Variants in DNAJC28 observed in about 807,000 individuals in gnomAD.
DNAJC28 encodes the protein dnaJ homolog subfamily C member 28.
In DNAJC28, 24 loss-of-function variants were observed where a neutral mutation model predicts 33.3. The observed-to-expected ratio is 0.72, with a 90% CI of 0.52 to 1.01. The LOEUF (loss-of-function observed/expected upper bound fraction) is 1.01. DNAJC28 is among the 50% of genes least tolerant of loss of function. The probability of loss-of-function intolerance (pLI) is 0.00; values close to 1 mark genes in which losing one functional copy is unlikely to be tolerated. For missense variants in DNAJC28, 442 were observed against 455.2 expected (o/e 0.97, Z 0.26); for synonymous variants, 120 against 147.2 (o/e 0.82, Z 1.34).
chr21:33,489,882 C>T (rs768851290), intron 1 of DNAJC28, among the ~76,000 whole-genome samples: 4 of 150,840 alleles, frequency 2.7e-5, no homozygotes, highest in Non-Finnish European at 5.9e-5. Flanking sequence ...CAGCATCAAC[C>T]TCCTGGGCTG....
Position 33,488,127 on chromosome 21 carries a change from AG to A in DNAJC28, c.*99del, listed in dbSNP as rs1317258918. On this transcript the variant is annotated 3_prime_UTR_variant, in exon 2 of 2. Coordinates refer to ENST00000381947, the MANE Select transcript of DNAJC28 (RefSeq NM_001040192.3). ...TGGCTATGTGATTAGTTTTGTGATA[AG>A]TACAATGGCACAATTCTTAAATTCT... is the stretch of plus-strand genomic sequence containing the variant. 3 of 999,082 alleles carry A rather than the reference AG, an allele frequency of 3.0e-6. No homozygotes were observed. Among genetic ancestry groups the A allele is most frequent in the Non-Finnish European group, 4.2e-6 (3 of 716,720 alleles). 61.9% of individuals were successfully genotyped at this position (999,082 alleles called of 1,614,324 possible).
rs1321452694 is a variant in DNAJC28, at chr21:33,488,539, C to A, written c.855G>T (p.Met285Ile). The change falls in exon 2 of 2, where the codon ATG becomes ATT. Residue 285 changes from methionine to isoleucine, a missense_variant. Physicochemically the swap from Met to Ile is conservative, Grantham distance 10 (BLOSUM62 1). Transcript: ENST00000381947. ...LVSRKKLGNP[M>I]TPTEKKQWNH... ...TCCACTGTTTCTTTTCAGTTGGTGTCATTGGATTCCCAAGTTTTTTCCTAG... is the reference window on the plus strand; with the variant it reads ...TCCACTGTTTCTTTTCAGTTGGTGTAATTGGATTCCCAAGTTTTTTCCTAG... The A allele has an allele frequency of 6.2e-7, 1 of 1,613,192 alleles. No homozygotes were observed. Among genetic ancestry groups the A allele is most frequent in the Non-Finnish European group, 8.5e-7 (1 of 1,179,836 alleles).
At position 33,489,419 on chromosome 21, in the gene DNAJC28, A is replaced by T. The variant is rs2084501174; in HGVS notation, c.-26T>A. 2.7e-6 allele frequency: 4 copies of T among 1,455,246 alleles called. No homozygotes were observed. Among genetic ancestry groups the T allele is most frequent in the Non-Finnish European group, 3.6e-6 (4 of 1,099,490 alleles). 90.1% of individuals were successfully genotyped at this position (1,455,246 alleles called of 1,614,324 possible). Reference sequence around the variant, plus strand: ...TATTGTACCCAGAGTTCTTCCTAGCAATGACCTATAAAACGACAACAAATA... The same window carrying T: ...TATTGTACCCAGAGTTCTTCCTAGCTATGACCTATAAAACGACAACAAATA... On this transcript the variant is annotated 5_prime_UTR_variant, in exon 2 of 2. Transcript: ENST00000381947.
In DNAJC28 at chr21:33,489,367, A is replaced by G; in HGVS notation, c.27T>C (p.Ala9=). The change falls in exon 2 of 2, where the codon GCT becomes GCC. Residue 9 remains alanine, a synonymous_variant. Transcript: ENST00000381947. Reference sequence around the variant, plus strand: ...TTATCAGGTGAGATCTTAAGATCTGAGCCATCATCACATACATTGTATTCA... The same window carrying G: ...TTATCAGGTGAGATCTTAAGATCTGGGCCATCATCACATACATTGTATTCA... MNTMYVMM[A]QILRSHLIKA... The G allele has an allele frequency of 6.5e-7, 1 of 1,535,506 alleles. No individual in the cohort carries two copies. Among genetic ancestry groups the G allele is most frequent in the African/African-American group, 1.4e-5 (1 of 72,188 alleles).
chr21:33,490,736 G>A (rs1301226171), intron 1 of DNAJC28, among the ~76,000 whole-genome samples: 1 of 152,012 alleles, frequency 6.6e-6, no homozygotes, highest in Non-Finnish European at 1.5e-5. Context: ...ACTCCAGCCT[G>A]GGCAACAGAG....
Position 33,488,728 on chromosome 21 carries a change from C to G in DNAJC28, c.666G>C (p.Gly222=), listed in dbSNP as rs376425023. 2 of 1,610,990 alleles carry G rather than the reference C, an allele frequency of 1.2e-6. No individual in the cohort carries two copies. Among genetic ancestry groups the G allele is most frequent in the African/African-American group, 2.7e-5 (2 of 74,604 alleles). Reference sequence around the variant, plus strand: ...AAAACTTTTTCAGAGGTTTTCCTTTCCCACTGAGATTGTCAAAGTCTCCTT... The same window carrying G: ...AAAACTTTTTCAGAGGTTTTCCTTTGCCACTGAGATTGTCAAAGTCTCCTT... ...MAKGDFDNLS[G]KGKPLKKFSD... Residue 222 remains glycine (G), a synonymous_variant, in exon 2 of 2, where the codon GGG becomes GGC. Transcript: ENST00000381947.
chr21:33,490,754 C>G (rs920666559), intron 1 of DNAJC28, among the ~76,000 whole-genome samples: 1 of 152,042 alleles, frequency 6.6e-6, no homozygotes, highest in Non-Finnish European at 1.5e-5. Flanking sequence ...GAGTGAGACT[C>G]TGTCTCAAAA....
Position 33,488,342 on chromosome 21 carries a change from G to C in DNAJC28, c.1052C>G (p.Thr351Arg), listed in dbSNP as rs772175920. ...ATCAAGGTTATTTGGGTTTCTATCT[G>C]TGACTTCTTTTGTTTTTATAAGGGT... The part of the protein sequence containing the change: ...YETLIKTKEV[T>R]DRNPNNLDQG... The change falls in exon 2 of 2, where the codon ACA becomes AGA. Residue 351 changes from threonine (T) to arginine (R), a missense_variant. Physicochemically the swap from Thr to Arg is moderately conservative, Grantham distance 71. Transcript: ENST00000381947. 3.8e-6 allele frequency: 6 copies of C among 1,585,038 alleles called. No individual in the cohort carries two copies. In the African/African-American group the frequency reaches 8.2e-5, roughly 22 times the overall value.
intron 1 of DNAJC28, among the ~76,000 whole-genome samples, chr21:33,490,895 G>A (rs1239683025): frequency 1.3e-5 from 2 of 152,180 alleles, no homozygotes; most frequent in African/African-American, 4.8e-5. Context: ...GGAAGGTTAA[G>A]CAATTTAACC....
In DNAJC28 at chr21:33,488,742, CAA is replaced by C. The variant is rs902580778; in HGVS notation, c.650_651del (p.Phe217Ter). On this transcript the variant is annotated frameshift_variant, in exon 2 of 2. Coordinates refer to ENST00000381947, the MANE Select transcript of DNAJC28 (RefSeq NM_001040192.3). LOFTEE classifies it high-confidence loss of function. ...GGTTTTCCTTTCCCACTGAGATTGT[CAA>C]AGTCTCCTTTTGCCATGGATTCTTG... is the stretch of plus-strand genomic sequence containing the variant. ...LIQESMAKGDFDNLSGKGKPL... is the reference protein window; with the variant it reads ...LIQESMAKGDXDNLSGKGKPL... The C allele has an allele frequency of 8.1e-6, 13 of 1,611,800 alleles. No homozygotes were observed. The African/African-American group carries it at 1.5e-4, about 18-fold the overall frequency.
intron 1 of DNAJC28, among the ~76,000 whole-genome samples, chr21:33,489,860 C>T (rs985743222): frequency 2.1e-5 from 3 of 144,082 alleles, no homozygotes; most frequent in African/African-American, 7.8e-5. Flanking sequence ...GTGGCACAAT[C>T]GTGGCTCACT....
chr21:33,488,382 G>T lies in DNAJC28; in HGVS notation c.1012C>A (p.Gln338Lys). Residue 338 changes from glutamine (Q) to lysine (K), a missense_variant, in exon 2 of 2, where the codon CAG (glutamine) becomes AAG (lysine). By Grantham distance (53) the Gln-to-Lys change is moderately conservative. Transcript: ENST00000381947. The stretch of plus-strand genomic sequence containing the variant: ...TTTATAAGGGTCTCGTATATTTTCT[G>T]GGCTCTGACAATTTCTTTCTGAGCA... ...FDAQKEIVRA[Q>K]KIYETLIKTK... 1 of 1,591,724 alleles carries T rather than the reference G, an allele frequency of 6.3e-7. No homozygotes were observed. The highest frequency in any genetic ancestry group is 8.5e-7 in the Non-Finnish European group (1 of 1,174,132).
At position 33,488,339 on chromosome 21, in the gene DNAJC28, T is replaced by C. The variant is rs745998189; in HGVS notation, c.1055A>G (p.Asp352Gly). The change falls in exon 2 of 2, where the codon GAT becomes GGT. Residue 352 changes from aspartate (D) to glycine (G), a missense_variant. Physicochemically the swap from Asp to Gly is moderately conservative, Grantham distance 94. Coordinates refer to ENST00000381947, the MANE Select transcript of DNAJC28 (RefSeq NM_001040192.3). ...TTGATCAAGGTTATTTGGGTTTCTA[T>C]CTGTGACTTCTTTTGTTTTTATAAG... ...ETLIKTKEVT[D>G]RNPNNLDQGE... The C allele has an allele frequency of 6.3e-7, 1 of 1,585,064 alleles. No individual in the cohort carries two copies. The highest frequency in any genetic ancestry group is 1.4e-5 in the African/African-American group (1 of 73,050).
rs1198836692 is a variant in DNAJC28, at chr21:33,491,596, T to C, written c.-32+6A>G. On this transcript the variant is annotated splice_donor_region_variant and intron_variant, in intron 1 of 1. Transcript: ENST00000381947. ...GGGCTCGGGGGTACGGAAGGCAGAA[T>C]CGTACCTGATTGGGACAGGTGACCT... The C allele has an allele frequency of 6.6e-6, 1 of 152,380 alleles. No individual in the cohort carries two copies. The highest frequency in any genetic ancestry group is 2.4e-5 in the African/African-American group (1 of 41,454). 9.4% of individuals were successfully genotyped at this position (152,380 alleles called of 1,614,324 possible).
chr21:33,489,213 C>G lies in DNAJC28; in HGVS notation c.181G>C (p.Gly61Arg). ...TCCCTGACTTCATCTGCAGAGCATC[C>G]TTCCTCCACGTTCAGCAGTCTATAA... The part of the protein sequence containing the change: ...EYYRLLNVEE[G>R]CSADEVRESF... Residue 61 changes from glycine to arginine, a missense_variant, in exon 2 of 2, where the codon GGA (glycine) becomes CGA (arginine). Coordinates refer to ENST00000381947, the MANE Select transcript of DNAJC28 (RefSeq NM_001040192.3). 2 of 1,606,602 alleles carry G rather than the reference C, an allele frequency of 1.2e-6. No individual in the cohort carries two copies. The highest frequency in any genetic ancestry group is 1.7e-6 in the Non-Finnish European group (2 of 1,177,646).
At position 33,488,795 on chromosome 21, in the gene DNAJC28, A is replaced by C; in HGVS notation, c.599T>G (p.Ile200Arg). 6.2e-7 allele frequency: 1 copy of C among 1,613,706 alleles called. No individual in the cohort carries two copies. Among genetic ancestry groups the C allele is most frequent in the South Asian group, 1.1e-5 (1 of 90,936 alleles). Residue 200 changes from isoleucine to arginine, a missense_variant, in exon 2 of 2, where the codon ATA (isoleucine) becomes AGA (arginine). Transcript: ENST00000381947. Reference protein sequence around the residue: ...QSKQQKITQAIERLVEDLIQE... With the variant: ...QSKQQKITQARERLVEDLIQE... ...AATGAGGTCCTCCACTAAACGTTCT[A>C]TAGCTTGCGTTATCTTTTGCTGTTT...
At chr21:33,489,565 T>TA in intron 1 of DNAJC28, 141 bp from the exon 2 acceptor site, 1 of 453,954 alleles carries the variant, frequency 2.2e-6, no homozygotes, top group Non-Finnish European at 3.7e-6. Flanking sequence ...GTCAACTTTT[T>TA]CCTTTTTTTT....
rs1289531334 is a variant in DNAJC28, at chr21:33,488,152, C to A, written c.*75G>T. The A allele has an allele frequency of 1.2e-5, 14 of 1,200,824 alleles. No homozygotes were observed. The highest frequency in any genetic ancestry group is 1.6e-5 in the African/African-American group (1 of 64,046). The allele number at this position is 1,200,824 out of a possible 1,614,324, so 74.4% of individuals were successfully genotyped here. The stretch of plus-strand genomic sequence containing the variant: ...AGTACAATGGCACAATTCTTAAATT[C>A]TTGTATTATAGCAATAAATCTCATT... On this transcript the variant is annotated 3_prime_UTR_variant, in exon 2 of 2. Coordinates refer to ENST00000381947, the MANE Select transcript of DNAJC28 (RefSeq NM_001040192.3).
rs758001579 is a variant in DNAJC28 at position 33,491,668 on chromosome 21, G to A, written c.-98C>T. 2.6e-5 allele frequency: 4 copies of A among 152,352 alleles called. No individual in the cohort carries two copies. The highest frequency in any genetic ancestry group is 9.6e-5 in the African/African-American group (4 of 41,478). 9.4% of individuals were successfully genotyped at this position (152,352 alleles called of 1,614,324 possible). A position where few individuals can be genotyped will look rare whatever the true frequency, so the allele number is the denominator to read the frequency against. On this transcript the variant is annotated 5_prime_UTR_variant, in exon 1 of 2. Transcript: ENST00000381947. ...TCCGCCAAACGAACTTTACCCCGGA[G>A]GACCCAGGCAGGGCACCTCGGGAGC...
Sources: gnomAD v4.1 joint callset for allele counts (sites outside exome capture counted in the v4.1 genomes callset) on GRCh38, gnomAD v4.1.1 for gene constraint, MANE v1.5 for transcripts, NCBI Gene and HGNC (gene_info 2026-07-23, HGNC 2026-07-21) for gene names.